PAPPA: variants seen among roughly 807,000 people sequenced by gnomAD.
PAPPA encodes pappalysin 1, also known as pappalysin-1.
Under a neutral mutation model 164.0 loss-of-function variants are expected in PAPPA, and 60 were observed. The observed-to-expected ratio is 0.37, with a 90% CI of 0.30 to 0.45. The LOEUF is 0.45. Ranked by LOEUF, PAPPA falls within the 20% of genes least tolerant of loss-of-function variation. The pLI, the probability that PAPPA is intolerant of heterozygous loss-of-function variation, is 1.00. For missense variants in PAPPA, 1,782 were observed against 2,087.3 expected (o/e 0.85, Z 2.85); for synonymous variants, 875 against 814.1 (o/e 1.07, Z -1.27).
At chr9:116,386,209 G>C (rs1469148718) in intron 21 of PAPPA, among the ~76,000 whole-genome samples, 3 of 152,130 alleles carry the variant, frequency 2.0e-5, no homozygotes, top group Non-Finnish European at 4.4e-5. Context: ...AAGATTCCTA[G>C]AAGTCTTACT....
At chr9:116,285,171 CTTTTTTTTT>C in intron 9 of PAPPA, among the ~76,000 whole-genome samples, 2 of 89,484 alleles carry the variant, frequency 2.2e-5, no homozygotes, top group South Asian at 4.6e-4. Context: ...TTCTTTCTTT[CTTTTTTTTT>C]TTTTTTTTTT....
chr9:116,372,637 A>C (rs1051669144), intron 19 of PAPPA, among the ~76,000 whole-genome samples: 5 of 152,136 alleles, frequency 3.3e-5, no homozygotes, highest in African/African-American at 1.2e-4. Flanking sequence ...CACAATAGAA[A>C]GTGCATCTCC....
In PAPPA at chr9:116,314,060, C is replaced by CTTTTTTTTTTTTT. The variant is rs57871796; in HGVS notation, c.3147+11128_3147+11140dup. Among the ~76,000 whole-genome samples the CTTTTTTTTTTTTT allele has an allele frequency of 2.7e-4, 19 of 69,698 alleles. 1 individual carries two copies. The highest frequency in any genetic ancestry group is 1.4e-3 in the South Asian group (3 of 2,122). 45.7% of individuals were successfully genotyped at this position (69,698 alleles called of 152,430 possible). ...ATTCAGTTCTGTCATTGCATCGAAT[C>CTTTTTTTTTTTTT]TTTTTTTTTTTTTTTTTTTTTTTTT... On this transcript the variant is annotated intron_variant, in intron 10 of 21. Transcript: ENST00000328252.
chr9:116,192,893 A>G (rs921656573), intron 2 of PAPPA, among the ~76,000 whole-genome samples: 2 of 152,190 alleles, frequency 1.3e-5, no homozygotes, highest in African/African-American at 4.8e-5. Context: ...TTGACACTGA[A>G]GACTGTAGCT....
intron 14 of PAPPA, among the ~76,000 whole-genome samples, chr9:116,346,487 A>T (rs956700003): frequency 3.9e-5 from 6 of 152,184 alleles, no homozygotes; most frequent in Non-Finnish European, 2.9e-5. Flanking sequence ...GTCTCATAAC[A>T]TGGAGGAAAA....
Position 116,347,213 on chromosome 9 carries a change from T to G in PAPPA, c.3964+4T>G, listed in dbSNP as rs762128032. 6.3e-7 allele frequency: 1 copy of G among 1,599,506 alleles called. No individual in the cohort carries two copies. ...CGTCACCCTGCACAATTGAAAGGTA[T>G]CAAGAACGCCTTCCCCAGCTCAGCC... On this transcript the variant is annotated splice_donor_region_variant and intron_variant, in intron 15 of 21. Coordinates refer to ENST00000328252, the MANE Select transcript of PAPPA (RefSeq NM_002581.5). This position sits in a 1 kb window ranked among gnomAD's most constrained non-coding sequence, Gnocchi z 4.5.
chr9:116,363,963 T>C (rs1052257390), intron 18 of PAPPA, among the ~76,000 whole-genome samples: 9 of 152,192 alleles, frequency 5.9e-5, no homozygotes, highest in African/African-American at 2.2e-4. Context: ...AAACACATGA[T>C]TGCTCTCGCT....
At chr9:116,254,586 T>C (rs1193712253) in intron 7 of PAPPA, among the ~76,000 whole-genome samples, 1 of 151,850 alleles carries the variant, frequency 6.6e-6, no homozygotes, top group African/African-American at 2.4e-5. Flanking sequence ...ATCGAGACCA[T>C]CCCGGCTAAT....
intron 13 of PAPPA, among the ~76,000 whole-genome samples, chr9:116,339,176 T>C (rs1353585284): frequency 6.6e-6 from 1 of 152,194 alleles, no homozygotes; most frequent in East Asian, 1.9e-4. Flanking sequence ...TTATTAGTTA[T>C]CTCCTTTAAT....
intron 1 of PAPPA, among the ~76,000 whole-genome samples, chr9:116,155,320 ACCTCCCTCTCTCTCC>A (rs1432743460): frequency 6.6e-6 from 1 of 151,240 alleles, no homozygotes; most frequent in Admixed American, 6.6e-5. Flanking sequence ...TCCCTCCTCA[ACCTCCCTCTCTCTCC>A]CCTTCGCTGT....
At chr9:116,341,312 T>C (rs1479130590) in intron 13 of PAPPA, among the ~76,000 whole-genome samples, 1 of 152,132 alleles carries the variant, frequency 6.6e-6, no homozygotes, top group Non-Finnish European at 1.5e-5. Flanking sequence ...AGTGCTGAGA[T>C]TACAGGTGTG....
chr9:116,397,025 G>A lies in PAPPA; in HGVS notation c.*409G>A, dbSNP rs191505970. On this transcript the variant is annotated 3_prime_UTR_variant, in exon 22 of 22. Transcript: ENST00000328252. The stretch of plus-strand genomic sequence containing the variant: ...TTCTGGAGATGAGCAGAGAGAGACC[G>A]GAATAAACTCAATCTTTTCTTTCCC... 553 of 166,386 alleles carry A rather than the reference G, an allele frequency of 3.3e-3. 6 individuals are homozygous for A. In the South Asian group the frequency reaches 0.035, roughly 11 times the overall value. The allele number at this position is 166,386 out of a possible 1,614,324, so 10.3% of individuals were successfully genotyped here. A position where few individuals can be genotyped will look rare whatever the true frequency, so the allele number is the denominator to read the frequency against.
rs188246942 is a variant in PAPPA, at chr9:116,398,922, T to A, written c.*2306T>A. The A allele has an allele frequency of 2.9e-6, 1 of 339,972 alleles. No individual in the cohort carries two copies. Among genetic ancestry groups the A allele is most frequent in the African/African-American group, 2.2e-5 (1 of 46,424 alleles). The allele number at this position is 339,972 out of a possible 1,614,324, so 21.1% of individuals were successfully genotyped here. A position where few individuals can be genotyped will look rare whatever the true frequency, so the allele number is the denominator to read the frequency against. Reference sequence around the variant, plus strand: ...CACTCTTGTCAACTCTCCAGGCCTCTCTCTTGCCCTGAGTTATCAGCCTGT... The same window carrying A: ...CACTCTTGTCAACTCTCCAGGCCTCACTCTTGCCCTGAGTTATCAGCCTGT... On this transcript the variant is annotated 3_prime_UTR_variant, in exon 22 of 22. Coordinates refer to ENST00000328252, the MANE Select transcript of PAPPA (RefSeq NM_002581.5).
chr9:116,301,408 G>A (rs997718574), intron 9 of PAPPA, among the ~76,000 whole-genome samples: 4 of 152,162 alleles, frequency 2.6e-5, no homozygotes, highest in African/African-American at 9.7e-5. Flanking sequence ...TATAAAATAG[G>A]CACCCACACA....
chr9:116,338,939 C>T (rs928533522), intron 13 of PAPPA, among the ~76,000 whole-genome samples: 13 of 152,110 alleles, frequency 8.5e-5, no homozygotes, highest in Admixed American at 3.3e-4. Flanking sequence ...GGCCTAAAAG[C>T]GGGGAAGGCT....
At chr9:116,382,254 T>G in intron 20 of PAPPA, 141 bp from the exon 21 acceptor site, 1 of 641,262 alleles carries the variant, frequency 1.6e-6, no homozygotes. Flanking sequence ...TTCAAGGGGG[T>G]GTTGGGGATG....
intron 7 of PAPPA, among the ~76,000 whole-genome samples, chr9:116,251,806 T>C (rs928001843): frequency 1.3e-5 from 2 of 152,028 alleles, no homozygotes; most frequent in African/African-American, 4.8e-5. Flanking sequence ...TCTTTTCCTC[T>C]CTCCCTTCTT....
At chr9:116,275,425 C>T (rs1025914087) in intron 9 of PAPPA, among the ~76,000 whole-genome samples, 21 of 152,092 alleles carry the variant, frequency 1.4e-4, no homozygotes, top group African/African-American at 3.4e-4. Context: ...AACTACGGGT[C>T]GTCTCTTGTT....
At chr9:116,235,819 C>A (rs148321454) in intron 7 of PAPPA, among the ~76,000 whole-genome samples, 182 bp downstream of exon 7, 1 of 152,004 alleles carries the variant, frequency 6.6e-6, no homozygotes, top group East Asian at 1.9e-4. Flanking sequence ...ATGGGAAGAG[C>A]AATAGGGAAG....
Sources: allele counts gnomAD v4.1 joint callset (sites outside exome capture counted in the v4.1 genomes callset), GRCh38; gene constraint gnomAD v4.1.1; non-coding constraint Gnocchi (gnomAD v3.1); transcripts MANE v1.5; gene names NCBI Gene and HGNC (gene_info 2026-07-23, HGNC 2026-07-21).